Variants in FAM3D observed in about 807,000 individuals in gnomAD.
The protein encoded by FAM3D is protein FAM3D.
Under a neutral mutation model 29.8 loss-of-function variants are expected in FAM3D, and 26 were observed. That is an observed-to-expected ratio of 0.87 (90% CI 0.64 to 1.21). The LOEUF is 1.21. Ranked by LOEUF, FAM3D falls within the 50% of genes most tolerant of loss-of-function variation. FAM3D has a pLI of 0.00. For missense variants in FAM3D, 253 were observed against 290.9 expected, an observed-to-expected ratio of 0.87 and a Z score of 0.95; for synonymous variants, 115 against 102.3, an observed-to-expected ratio of 1.12 and a Z score of -0.75.
At chr3:58,636,084 T>C (rs1329107446) in intron 9 of FAM3D, among the ~76,000 whole-genome samples, 5 of 152,250 alleles carry the variant, frequency 3.3e-5, no homozygotes, top group Admixed American at 3.3e-4. Flanking sequence ...CCTGCGTATC[T>C]ATATATGACC....
intron 1 of FAM3D, among the ~76,000 whole-genome samples, chr3:58,655,889 G>A (rs1282549095): frequency 6.6e-6 from 1 of 152,010 alleles, no homozygotes; most frequent in Non-Finnish European, 1.5e-5. Context: ...TCTTTTGGGA[G>A]ATTTGATTTA....
At position 58,655,710 on chromosome 3, in the gene FAM3D, T is replaced by C. The variant is rs533401531; in HGVS notation, c.-38-109A>G. The C allele has an allele frequency of 7.6e-4, 675 of 891,766 alleles. 13 individuals are homozygous for C. In the South Asian group the frequency reaches 0.016, roughly 21 times the overall value. The allele number at this position is 891,766 out of a possible 1,614,324, so 55.2% of individuals were successfully genotyped here. A position where few individuals can be genotyped will look rare whatever the true frequency, so the allele number is the denominator to read the frequency against. ...ACTGTGGAGATCATAATTCTTTCAGTTGGGTTCCTCACCACCTGCCATATG... is the reference window on the plus strand; with the variant it reads ...ACTGTGGAGATCATAATTCTTTCAGCTGGGTTCCTCACCACCTGCCATATG... On this transcript the variant is annotated intron_variant, in intron 1 of 9. Transcript: ENST00000358781.
intron 7 of FAM3D, 121 bp downstream of exon 7, chr3:58,640,006 G>T: frequency 2.0e-6 from 2 of 1,018,324 alleles, no homozygotes; most frequent in Non-Finnish European, 3.1e-6. Context: ...CTCTTCCTGG[G>T]TGCCTCCTGT....
chr3:58,659,079 T>G (rs1224683662), intron 1 of FAM3D, among the ~76,000 whole-genome samples: 1 of 152,220 alleles, frequency 6.6e-6, no homozygotes, highest in Non-Finnish European at 1.5e-5. Flanking sequence ...CTCTCCAGGC[T>G]TTGATTTCTT....
intron 2 of FAM3D, 138 bp downstream of exon 2, chr3:58,655,413 C>T: frequency 8.9e-7 from 1 of 1,120,516 alleles, no homozygotes; most frequent in Non-Finnish European, 1.2e-6. Context: ...TTCTACTCTT[C>T]CAGCCTCCCC....
Position 58,652,825 on chromosome 3 carries a change from C to G in FAM3D, c.121+849G>C, listed in dbSNP as rs150928187. 1.3e-4 allele frequency among the ~76,000 whole-genome samples: 19 copies of G among 151,890 alleles called. No individual in the cohort carries two copies. In the East Asian group the frequency reaches 3.7e-3, roughly 30 times the overall value. ...TTTATCTATCCACCCACCCACTCAG[C>G]CATTCTTCACTCATCCATCCATCTG... On this transcript the variant is annotated intron_variant, in intron 3 of 9. Transcript: ENST00000358781.
In FAM3D at chr3:58,650,964, G is replaced by A. The variant is rs867950937; in HGVS notation, c.122-1626C>T. 4.0e-5 allele frequency among the ~76,000 whole-genome samples: 6 copies of A among 149,580 alleles called. No homozygotes were observed. The South Asian group carries it at 6.3e-4, about 16-fold the overall frequency. On this transcript the variant is annotated intron_variant, in intron 3 of 9. Transcript: ENST00000358781. ...CATCTCCTGACCTCGTGATCTGCCC[G>A]CCTCGGCATCCCAAAGTGCTGGGAT...
intron 6 of FAM3D, 50 bp downstream of exon 6, chr3:58,643,612 C>T (rs765967514): frequency 2.5e-6 from 4 of 1,584,226 alleles, no homozygotes; most frequent in Non-Finnish European, 3.5e-6. Flanking sequence ...CTACCCCCTA[C>T]CCTCCCTGGT....
chr3:58,641,825 C>T (rs1047847207), intron 6 of FAM3D, among the ~76,000 whole-genome samples: 1 of 152,204 alleles, frequency 6.6e-6, no homozygotes, highest in African/African-American at 2.4e-5. Flanking sequence ...ATCCTTTTGG[C>T]TTTGTGAGAA....
intron 3 of FAM3D, among the ~76,000 whole-genome samples, chr3:58,653,247 A>G (rs1434361225): frequency 6.6e-6 from 1 of 152,222 alleles, no homozygotes; most frequent in South Asian, 2.1e-4. Flanking sequence ...AAGGCTGAGA[A>G]GGAGCCAGGT....
chr3:58,650,788 G>T (rs1048070448), intron 3 of FAM3D, among the ~76,000 whole-genome samples: 1 of 152,140 alleles, frequency 6.6e-6, no homozygotes, highest in African/African-American at 2.4e-5. Flanking sequence ...CGCGATCTCG[G>T]CTCACTGCAA....
At chr3:58,641,492 C>A (rs377434892) in intron 6 of FAM3D, among the ~76,000 whole-genome samples, 79 of 152,160 alleles carry the variant, frequency 5.2e-4, no homozygotes, top group African/African-American at 1.7e-3. Flanking sequence ...TTAGCTGGGA[C>A]TACAGGTGTG....
chr3:58,642,520 G>T (rs1167259227), intron 6 of FAM3D, among the ~76,000 whole-genome samples: 2 of 152,132 alleles, frequency 1.3e-5, no homozygotes, highest in African/African-American at 4.8e-5. Context: ...CTTACAGCCA[G>T]TTCTTAGAAA....
intron 7 of FAM3D, among the ~76,000 whole-genome samples, chr3:58,639,276 C>T (rs552830737): frequency 6.6e-6 from 1 of 152,310 alleles, no homozygotes; most frequent in Admixed American, 6.5e-5. Context: ...GCTGGATACC[C>T]TTCCACCAAT....
rs558099325 is a variant in FAM3D, at chr3:58,636,501, G to T, written c.459-81C>A. 19 of 1,565,232 alleles carry T rather than the reference G, an allele frequency of 1.2e-5. No homozygotes were observed. In the Admixed American group the frequency reaches 2.8e-4, roughly 23 times the overall value. On this transcript the variant is annotated intron_variant, in intron 8 of 9. Transcript: ENST00000358781. ...GGTGGTGGGATTCCCATGGGGCAAGGTTCCCACTCTTCTCCCCATTCAGCA... is the reference window on the plus strand; with the variant it reads ...GGTGGTGGGATTCCCATGGGGCAAGTTTCCCACTCTTCTCCCCATTCAGCA...
intron 5 of FAM3D, 34 bp downstream of exon 5, chr3:58,645,475 A>ATAAAC (rs2106800301): frequency 1.4e-6 from 2 of 1,449,302 alleles, no homozygotes; most frequent in South Asian, 2.8e-5. Flanking sequence ...ATAAAATAAA[A>ATAAAC]TAAAATAAAC....
rs183188307 is a variant in FAM3D at position 58,663,792 on chromosome 3, G to A, written c.-39+2784C>T. ...AGTTGTACCTGCAGAAAGGTCCAAGGCCTTGGTTTTGTGCCTGGCTCCCAG... is the reference window on the plus strand; with the variant it reads ...AGTTGTACCTGCAGAAAGGTCCAAGACCTTGGTTTTGTGCCTGGCTCCCAG... On this transcript the variant is annotated intron_variant, in intron 1 of 9. Coordinates refer to ENST00000358781, the MANE Select transcript of FAM3D (RefSeq NM_138805.3). Among the ~76,000 whole-genome samples, 3 of 152,280 alleles carry A rather than the reference G, an allele frequency of 2.0e-5. No individual in the cohort carries two copies. In the East Asian group the frequency reaches 5.8e-4, roughly 29 times the overall value.
chr3:58,645,004 A>G (rs1021607955), intron 5 of FAM3D, among the ~76,000 whole-genome samples: 2 of 152,232 alleles, frequency 1.3e-5, no homozygotes, highest in African/African-American at 2.4e-5. Flanking sequence ...CATAGGTTGC[A>G]CTTGCTGTCC....
intron 7 of FAM3D, among the ~76,000 whole-genome samples, chr3:58,637,766 G>A (rs1294173360): frequency 6.6e-6 from 1 of 152,160 alleles, no homozygotes; most frequent in South Asian, 2.1e-4. Flanking sequence ...TGTCTTTAAT[G>A]CCTCCCTAAC....
Sources: gnomAD v4.1 joint callset for allele counts (sites outside exome capture counted in the v4.1 genomes callset) on GRCh38, gnomAD v4.1.1 for gene constraint, MANE v1.5 for transcripts, NCBI Gene and HGNC (gene_info 2026-07-23, HGNC 2026-07-21) for gene names.